The following LOC128092252 variants were observed in gnomAD, a reference collection of about 807,000 sequenced individuals.
At chr15:50,675,067 G>A in the LOC128092252 span, among the ~76,000 whole-genome samples, 1 of 152,160 alleles carries the variant, frequency 6.6e-6, no homozygotes, top group Non-Finnish European at 1.5e-5. Flanking sequence ...TCCTGGCTGG[G>A]CACGGTGGCT....
the LOC128092252 span, among the ~76,000 whole-genome samples, chr15:50,681,035 G>A: frequency 1.3e-5 from 2 of 152,056 alleles, no homozygotes; most frequent in Non-Finnish European, 2.9e-5. Flanking sequence ...GGCAGATCAC[G>A]AGGTCAGGAG....
At chr15:50,653,951 T>G in the LOC128092252 span, among the ~76,000 whole-genome samples, 27 of 152,138 alleles carry the variant, frequency 1.8e-4, no homozygotes, top group African/African-American at 6.0e-4. Flanking sequence ...GAACACTCAA[T>G]TGAGAACACA....
the LOC128092252 span, among the ~76,000 whole-genome samples, chr15:50,666,457 AAAG>A: frequency 1.3e-5 from 2 of 151,622 alleles, no homozygotes; most frequent in African/African-American, 4.9e-5. Context: ...TAGAAGGGAG[AAAG>A]AAGAGGAGGA....
At chr15:50,684,490 A>T in the LOC128092252 span, among the ~76,000 whole-genome samples, 1 of 151,838 alleles carries the variant, frequency 6.6e-6, no homozygotes, top group Non-Finnish European at 1.5e-5. Context: ...AAAATACAAA[A>T]ATTAGCCGGG....
At chr15:50,657,698 C>T in the LOC128092252 span, 1 of 1,222,802 alleles carries the variant, frequency 8.2e-7, no homozygotes, top group Non-Finnish European at 1.2e-6. Context: ...GAGTTTCATG[C>T]CACTGTGTTC....
At chr15:50,665,542 CT>C in the LOC128092252 span, among the ~76,000 whole-genome samples, 6 of 152,060 alleles carry the variant, frequency 3.9e-5, no homozygotes, top group Admixed American at 3.9e-4. Flanking sequence ...ACATTCAACA[CT>C]TTATATAACT....
chr15:50,649,820 G>A, the LOC128092252 span, among the ~76,000 whole-genome samples: 1 of 152,110 alleles, frequency 6.6e-6, no homozygotes, highest in Non-Finnish European at 1.5e-5. Context: ...TAGAGTTTGT[G>A]AGGTAGAAAA....
At chr15:50,681,721 T>C in the LOC128092252 span, among the ~76,000 whole-genome samples, 29 of 152,220 alleles carry the variant, frequency 1.9e-4, no homozygotes, top group Non-Finnish European at 3.4e-4. Flanking sequence ...AAGGTTAAGG[T>C]TTCCAGAAGT....
At chr15:50,665,274 G>A in the LOC128092252 span, among the ~76,000 whole-genome samples, 2 of 151,850 alleles carry the variant, frequency 1.3e-5, no homozygotes, top group Non-Finnish European at 2.9e-5. Context: ...GCACACATCT[G>A]TAATCCCAAC....
chr15:50,649,279 A>T, the LOC128092252 span, among the ~76,000 whole-genome samples: 1 of 152,112 alleles, frequency 6.6e-6, no homozygotes, highest in African/African-American at 2.4e-5. Context: ...TTGACAAAAA[A>T]TTTTAAAAAA....
At chr15:50,678,871 A>C in the LOC128092252 span, among the ~76,000 whole-genome samples, 12 of 109,110 alleles carry the variant, frequency 1.1e-4, no homozygotes, top group Admixed American at 8.5e-4. Flanking sequence ...TCTTTGCAAA[A>C]ACAAAAAAAA....
At chr15:50,661,759 T>A in the LOC128092252 span, among the ~76,000 whole-genome samples, 1 of 152,154 alleles carries the variant, frequency 6.6e-6, no homozygotes, top group Non-Finnish European at 1.5e-5. Context: ...GAGAACACAG[T>A]GTGACAGGAG....
chr15:50,673,040 TAAA>T, the LOC128092252 span, among the ~76,000 whole-genome samples: 1 of 148,740 alleles, frequency 6.7e-6, no homozygotes, highest in South Asian at 2.1e-4. Flanking sequence ...TCTGTTAAAT[TAAA>T]AAGTTACAGT....
chr15:50,686,630 G>A, the LOC128092252 span: 1 of 1,527,754 alleles, frequency 6.5e-7, no homozygotes, highest in Non-Finnish European at 8.8e-7. Context: ...GGAGGCGGCA[G>A]CAGAGGCCGC....
At chr15:50,679,536 ATATT>A in the LOC128092252 span, among the ~76,000 whole-genome samples, 1,353 of 48,698 alleles carry the variant, frequency 0.028, 14 homozygotes, top group Middle Eastern at 0.069. Context: ...ATATATATAT[ATATT>A]TTTTTTTTTT....
the LOC128092252 span, among the ~76,000 whole-genome samples, chr15:50,653,829 T>C: frequency 7.2e-5 from 11 of 152,202 alleles, no homozygotes; most frequent in Non-Finnish European, 1.6e-4. Flanking sequence ...TGAGAGATTC[T>C]GTGATGCCTA....
the LOC128092252 span, among the ~76,000 whole-genome samples, chr15:50,667,702 AT>A: frequency 3.3e-5 from 5 of 152,140 alleles, no homozygotes; most frequent in Non-Finnish European, 7.4e-5. Context: ...AGGAGACTCC[AT>A]CCCCCTCCAA....
At chr15:50,659,904 G>A in the LOC128092252 span, among the ~76,000 whole-genome samples, 1 of 152,114 alleles carries the variant, frequency 6.6e-6, no homozygotes, top group East Asian at 1.9e-4. Context: ...CTGACCTCAG[G>A]TGATCCACCT....
chr15:50,686,047 G>C, the LOC128092252 span, among the ~76,000 whole-genome samples: 3 of 152,196 alleles, frequency 2.0e-5, no homozygotes, highest in African/African-American at 7.2e-5. Flanking sequence ...CTCCAAACCC[G>C]TGTCCTCTAC....
Sources: allele counts gnomAD v4.1 joint callset (sites outside exome capture counted in the v4.1 genomes callset), GRCh38; gene constraint gnomAD v4.1.1; transcripts MANE v1.5.